The following SHISA6 variants were observed in gnomAD, a reference collection of about 807,000 sequenced individuals.
SHISA6 encodes the protein protein shisa-6.
SHISA6 carries 22 observed loss-of-function variants against 47.9 expected under a neutral mutation model. The observed-to-expected ratio is 0.46, with a 90% CI of 0.33 to 0.66. SHISA6 has a LOEUF of 0.66. Ranked by LOEUF, SHISA6 falls within the 30% of genes least tolerant of loss-of-function variation. The pLI, the probability that SHISA6 is intolerant of heterozygous loss-of-function variation, is 0.02. For missense variants in SHISA6, 680 were observed against 764.6 expected, an observed-to-expected ratio of 0.89 and a Z score of 1.30; for synonymous variants, 388 against 337.8, an observed-to-expected ratio of 1.15 and a Z score of -1.63.
intron 1 of SHISA6, among the ~76,000 whole-genome samples, chr17:11,247,838 A>G (rs2008093): frequency 0.93 from 140,454 of 150,288 alleles, 66,331 homozygotes; most frequent in East Asian, 1. Context: ...GCAGTGGCAC[A>G]ATGTCTGCTC....
intron 2 of SHISA6, among the ~76,000 whole-genome samples, chr17:11,331,649 T>A (rs1285890682): frequency 3.3e-5 from 5 of 152,160 alleles, no homozygotes. Context: ...CACACTCCCT[T>A]TGCTCTCTCT....
chr17:11,291,425 C>T (rs765781166), intron 2 of SHISA6, among the ~76,000 whole-genome samples: 7 of 151,890 alleles, frequency 4.6e-5, no homozygotes, highest in Non-Finnish European at 8.8e-5. Context: ...CATGAGATCA[C>T]GAGATTAAGA....
At chr17:11,432,795 A>G (rs1327445034) in intron 3 of SHISA6, among the ~76,000 whole-genome samples, 1 of 103,894 alleles carries the variant, frequency 9.6e-6, no homozygotes, top group Non-Finnish European at 2.2e-5. Context: ...GTGTTGTATT[A>G]AAAAAAAAAA....
chr17:11,392,151 C>T (rs748501623), intron 3 of SHISA6, among the ~76,000 whole-genome samples: 1 of 152,164 alleles, frequency 6.6e-6, no homozygotes, highest in Non-Finnish European at 1.5e-5. Flanking sequence ...TTCTCTTCAT[C>T]TGCTTCCCAG....
chr17:11,557,060 G>A (rs567181346), intron 5 of SHISA6, among the ~76,000 whole-genome samples: 9 of 152,312 alleles, frequency 5.9e-5, no homozygotes, highest in South Asian at 2.1e-4. Flanking sequence ...ACCAGCTTGC[G>A]TTATGGGCAC....
intron 3 of SHISA6, among the ~76,000 whole-genome samples, chr17:11,384,095 T>C (rs1913119168): frequency 1.3e-5 from 2 of 152,224 alleles, no homozygotes; most frequent in Non-Finnish European, 2.9e-5. Context: ...CTCGTTACCT[T>C]CATTTCATAG....
intron 3 of SHISA6, among the ~76,000 whole-genome samples, chr17:11,403,175 T>C (rs1368743014): frequency 1.3e-5 from 2 of 152,234 alleles, no homozygotes; most frequent in Non-Finnish European, 2.9e-5. Context: ...CTTACTTTAG[T>C]GAGAATCCTT....
intron 3 of SHISA6, among the ~76,000 whole-genome samples, chr17:11,384,993 A>G (rs549734745): frequency 1.3e-5 from 2 of 152,304 alleles, no homozygotes; most frequent in African/African-American, 4.8e-5. Flanking sequence ...AATACCAGAC[A>G]CTGTTCTGGG....
chr17:11,458,083 TAAA>T (rs56304029), intron 3 of SHISA6, among the ~76,000 whole-genome samples: 4 of 114,508 alleles, frequency 3.5e-5, no homozygotes, highest in Admixed American at 9.5e-5. Flanking sequence ...AGACTCTGTC[TAAA>T]AAAAAAAAAA....
At chr17:11,447,938 G>A (rs1231343831) in intron 3 of SHISA6, among the ~76,000 whole-genome samples, 3 of 152,134 alleles carry the variant, frequency 2.0e-5, no homozygotes, top group Admixed American at 6.5e-5. Context: ...CAGTGGGTAC[G>A]GGCACTCCGT....
chr17:11,252,608 G>A (rs995842792), intron 1 of SHISA6, among the ~76,000 whole-genome samples: 1 of 152,150 alleles, frequency 6.6e-6, no homozygotes, highest in African/African-American at 2.4e-5. Context: ...CAGGCAGGTT[G>A]GTGGCCAAAC....
intron 2 of SHISA6, among the ~76,000 whole-genome samples, chr17:11,293,448 T>G (rs1909625547): frequency 6.6e-6 from 1 of 152,152 alleles, no homozygotes; most frequent in Non-Finnish European, 1.5e-5. Flanking sequence ...CAGGAAAGAA[T>G]GAGAGAACAG....
intron 3 of SHISA6, among the ~76,000 whole-genome samples, chr17:11,492,995 T>G (rs2908979): frequency 6.6e-6 from 1 of 151,932 alleles, no homozygotes; most frequent in South Asian, 2.1e-4. Context: ...GATTGGCCAT[T>G]TGTCACTAGG....
At chr17:11,296,450 T>C (rs1267321888) in intron 2 of SHISA6, among the ~76,000 whole-genome samples, 2 of 152,048 alleles carry the variant, frequency 1.3e-5, no homozygotes, top group Admixed American at 1.3e-4. Context: ...GTGTGGGGAT[T>C]GTATGGATTA....
At chr17:11,272,017 A>T (rs1908688288) in intron 2 of SHISA6, among the ~76,000 whole-genome samples, 1 of 151,258 alleles carries the variant, frequency 6.6e-6, no homozygotes, top group South Asian at 2.1e-4. Context: ...TTTGCAAAAC[A>T]CTTATCTACA....
intron 3 of SHISA6, among the ~76,000 whole-genome samples, chr17:11,474,487 A>G (rs557715652): frequency 1.5e-3 from 228 of 151,722 alleles, no homozygotes; most frequent in Middle Eastern, 3.4e-3. Flanking sequence ...GATAGATTGC[A>G]GAGTGTAAGG....
chr17:11,402,305 A>C (rs1013469541), intron 3 of SHISA6, among the ~76,000 whole-genome samples: 6 of 152,210 alleles, frequency 3.9e-5, no homozygotes, highest in Admixed American at 2.6e-4. Flanking sequence ...GGATTGTTTA[A>C]AGTCCTGGAG....
At chr17:11,352,615 C>T (rs918219136) in intron 2 of SHISA6, among the ~76,000 whole-genome samples, 2 of 152,042 alleles carry the variant, frequency 1.3e-5, no homozygotes, top group East Asian at 1.9e-4. Context: ...GAAGTTGGGG[C>T]GATTGGGGAA....
chr17:11,285,408 A>G (rs1344440534), intron 2 of SHISA6, among the ~76,000 whole-genome samples: 6 of 152,116 alleles, frequency 3.9e-5, no homozygotes, highest in South Asian at 2.1e-4. Context: ...CCACCCCTCA[A>G]TCCTTGAGAG....
Sources: gnomAD v4.1 joint callset for allele counts (sites outside exome capture counted in the v4.1 genomes callset) on GRCh38, gnomAD v4.1.1 for gene constraint, MANE v1.5 for transcripts, NCBI Gene and HGNC (gene_info 2026-07-23, HGNC 2026-07-21) for gene names.